The following MEI4 variants were observed in gnomAD, a reference collection of about 807,000 sequenced individuals.
The protein encoded by MEI4 is meiosis-specific protein MEI4.
Under a neutral mutation model 31.4 loss-of-function variants are expected in MEI4, and 27 were observed. The observed-to-expected ratio is 0.86, with a 90% CI of 0.63 to 1.19. The LOEUF (loss-of-function observed/expected upper bound fraction) is 1.19. Ranked by LOEUF, MEI4 falls within the 50% of genes most tolerant of loss-of-function variation. The pLI is 0.00. For missense variants in MEI4, 329 were observed against 398.9 expected (o/e 0.82, Z 1.49); for synonymous variants, 122 against 145.4 (o/e 0.84, Z 1.16).
intron 2 of MEI4, among the ~76,000 whole-genome samples, chr6:77,742,377 G>T (rs1382930626): frequency 1.3e-5 from 2 of 151,926 alleles, no homozygotes; most frequent in African/African-American, 4.8e-5. Context: ...GCCAGTGATG[G>T]TGAGCATTTT....
intron 2 of MEI4, 139 bp from the exon 3 acceptor site, chr6:77,760,991 T>G (rs1274742082): frequency 5.2e-6 from 3 of 582,288 alleles, no homozygotes; most frequent in Non-Finnish European, 7.6e-6. Context: ...TTTACTCAGT[T>G]TTTACACTAC....
At chr6:77,807,724 C>T (rs1769474255) in intron 3 of MEI4, among the ~76,000 whole-genome samples, 1 of 152,054 alleles carries the variant, frequency 6.6e-6, no homozygotes, top group African/African-American at 2.4e-5. Flanking sequence ...GAAGGTTTTC[C>T]AAAATGCACA....
At chr6:77,856,289 A>G (rs934258753) in intron 4 of MEI4, among the ~76,000 whole-genome samples, 1 of 152,026 alleles carries the variant, frequency 6.6e-6, no homozygotes, top group African/African-American at 2.4e-5. Context: ...CTGCTGCTCT[A>G]CCTGGAATGC....
At chr6:77,802,724 C>T (rs1009342105) in intron 3 of MEI4, among the ~76,000 whole-genome samples, 9 of 152,170 alleles carry the variant, frequency 5.9e-5, no homozygotes, top group Admixed American at 1.3e-4. Context: ...TTATCCTTCA[C>T]TTCTGAAGCT....
intron 4 of MEI4, among the ~76,000 whole-genome samples, chr6:77,869,229 C>T (rs1265116392): frequency 6.6e-6 from 1 of 152,056 alleles, no homozygotes. Flanking sequence ...AACTAAGTTA[C>T]AGTAGGGAGA....
chr6:77,690,809 A>G lies in MEI4; in HGVS notation c.138A>G (p.Lys46=). Residue 46 remains lysine (K), a synonymous_variant, in exon 2 of 5, where the codon AAA becomes AAG. Coordinates refer to ENST00000684080, the MANE Select transcript of MEI4 (RefSeq NM_001322247.2). ...LAMLLSEEQS[K]WRSKVEILEA... Reference sequence around the variant, plus strand: ...TGTTGCTGTCTGAGGAGCAGTCAAAATGGAGATCAAAAGTTGAAATCTTGG... The same window carrying G: ...TGTTGCTGTCTGAGGAGCAGTCAAAGTGGAGATCAAAAGTTGAAATCTTGG... The G allele has an allele frequency of 8.1e-7, 1 of 1,231,644 alleles. No individual in the cohort carries two copies. 76.3% of individuals were successfully genotyped at this position (1,231,644 alleles called of 1,614,324 possible). A position where few individuals can be genotyped will look rare whatever the true frequency, so the allele number is the denominator to read the frequency against.
intron 4 of MEI4, among the ~76,000 whole-genome samples, chr6:77,852,271 A>G (rs1254661953): frequency 1.3e-5 from 2 of 152,204 alleles, no homozygotes; most frequent in African/African-American, 4.8e-5. Context: ...AAATGCATGA[A>G]TAAAATAACT....
chr6:77,730,917 G>A lies in MEI4; in HGVS notation c.233-30213G>A, dbSNP rs534812802. Among the ~76,000 whole-genome samples the A allele has an allele frequency of 3.3e-5, 5 of 151,686 alleles. No homozygotes were observed. The South Asian group carries it at 1.0e-3, about 32-fold the overall frequency. On this transcript the variant is annotated intron_variant, in intron 2 of 4. Coordinates refer to ENST00000684080, the MANE Select transcript of MEI4 (RefSeq NM_001322247.2). ...CTTACGATAGTTTACTGAGAATGCT[G>A]ATTTCCAATTTCATCCATGTCCCTA...
intron 3 of MEI4, among the ~76,000 whole-genome samples, chr6:77,786,955 A>G (rs996983116): frequency 2.0e-5 from 3 of 152,232 alleles, no homozygotes; most frequent in Non-Finnish European, 4.4e-5. Context: ...TCCTGCCTGC[A>G]CAGCTGGGAG....
chr6:77,700,173 T>C (rs934451929), intron 2 of MEI4, among the ~76,000 whole-genome samples: 2 of 152,218 alleles, frequency 1.3e-5, no homozygotes, highest in Non-Finnish European at 2.9e-5. Flanking sequence ...TTTTTGTTTG[T>C]CTGTGCCCTG....
At chr6:77,747,931 A>C (rs1185913510) in intron 2 of MEI4, among the ~76,000 whole-genome samples, 4 of 152,194 alleles carry the variant, frequency 2.6e-5, no homozygotes, top group Non-Finnish European at 2.9e-5. Context: ...ACCAAAACAA[A>C]GGGGGCTACA....
At chr6:77,843,416 A>G (rs1216652660) in intron 4 of MEI4, among the ~76,000 whole-genome samples, 3 of 152,064 alleles carry the variant, frequency 2.0e-5, no homozygotes, top group African/African-American at 7.2e-5. Context: ...TTGGCAAAAT[A>G]TTCTCTATTA....
intron 2 of MEI4, among the ~76,000 whole-genome samples, chr6:77,726,836 C>A (rs967412264): frequency 8.4e-6 from 1 of 119,176 alleles, no homozygotes. Flanking sequence ...CAAAAATAAG[C>A]TTATTTAATA....
chr6:77,783,340 C>G (rs538595692), intron 3 of MEI4, among the ~76,000 whole-genome samples: 1 of 152,122 alleles, frequency 6.6e-6, no homozygotes, highest in Non-Finnish European at 1.5e-5. Context: ...ATATACCTTC[C>G]TTCATGATAA....
At chr6:77,829,349 G>A (rs1770026445) in intron 4 of MEI4, among the ~76,000 whole-genome samples, 1 of 152,108 alleles carries the variant, frequency 6.6e-6, no homozygotes, top group South Asian at 2.1e-4. Flanking sequence ...ATCCCTCCAG[G>A]CAGGCAGCAT....
At chr6:77,812,405 ATGT>A (rs757485677) in intron 3 of MEI4, among the ~76,000 whole-genome samples, 66 of 152,252 alleles carry the variant, frequency 4.3e-4, no homozygotes, top group Admixed American at 1.3e-4. Context: ...GATGATGATG[ATGT>A]TGATGATTAT....
chr6:77,767,066 C>A (rs1458114408), intron 3 of MEI4, among the ~76,000 whole-genome samples: 1 of 152,086 alleles, frequency 6.6e-6, no homozygotes, highest in East Asian at 1.9e-4. Flanking sequence ...TCATTTCATC[C>A]TTGCTTATAG....
At chr6:77,750,611 GT>G (rs1385954989) in intron 2 of MEI4, among the ~76,000 whole-genome samples, 1 of 152,076 alleles carries the variant, frequency 6.6e-6, no homozygotes, top group Non-Finnish European at 1.5e-5. Flanking sequence ...AGCACCCAGA[GT>G]CATAAAGCAA....
In MEI4 at chr6:77,883,721, T is replaced by G. The variant is rs116266002; in HGVS notation, c.901-39368T>G. ...CAATGAAATGCTATTATGTAAGATATATATATATATATATATATATATAAC... is the reference window on the plus strand; with the variant it reads ...CAATGAAATGCTATTATGTAAGATAGATATATATATATATATATATATAAC... On this transcript the variant is annotated intron_variant, in intron 4 of 4. Coordinates refer to ENST00000684080, the MANE Select transcript of MEI4 (RefSeq NM_001322247.2). 6.6e-3 allele frequency among the ~76,000 whole-genome samples: 854 copies of G among 130,088 alleles called. 29 individuals are homozygous for G. Among genetic ancestry groups the G allele is most frequent in the African/African-American group, 0.023 (791 of 34,796 alleles). The allele number at this position is 130,088 out of a possible 152,430, so 85.3% of individuals were successfully genotyped here. A position where few individuals can be genotyped will look rare whatever the true frequency, so the allele number is the denominator to read the frequency against.
Sources: allele counts gnomAD v4.1 joint callset (sites outside exome capture counted in the v4.1 genomes callset), GRCh38; gene constraint gnomAD v4.1.1; transcripts MANE v1.5; gene names NCBI Gene and HGNC (gene_info 2026-07-23, HGNC 2026-07-21).